XNDC1N: variants seen among roughly 807,000 people sequenced by gnomAD.
The protein encoded by XNDC1N is protein XNDC1N.
the XNDC1N span, chr11:71,903,488 G>T: frequency 1.3e-3 from 1,008 of 767,820 alleles, 8 homozygotes; most frequent in African/African-American, 0.016. Flanking sequence ...GCCTGACTCA[G>T]ATGTCTCTCT....
At chr11:71,919,853 G>A in the XNDC1N span, among the ~76,000 whole-genome samples, 7 of 144,522 alleles carry the variant, frequency 4.8e-5, no homozygotes, top group East Asian at 4.2e-4. Context: ...TCCTGACCTC[G>A]TGATCCGCCC....
At chr11:71,909,870 G>A in the XNDC1N span, among the ~76,000 whole-genome samples, 2 of 152,156 alleles carry the variant, frequency 1.3e-5, no homozygotes, top group African/African-American at 2.4e-5. Flanking sequence ...GCTCTTTGCT[G>A]GTAAAGTGAC....
At chr11:71,872,904 A>C in the XNDC1N span, among the ~76,000 whole-genome samples, 9 of 152,172 alleles carry the variant, frequency 5.9e-5, no homozygotes, top group African/African-American at 2.2e-4. Flanking sequence ...TCACATATTC[A>C]GGATAGAGGG....
the XNDC1N span, among the ~76,000 whole-genome samples, chr11:71,914,626 G>C: frequency 6.6e-6 from 1 of 151,810 alleles, no homozygotes; most frequent in Non-Finnish European, 1.5e-5. Flanking sequence ...GGCAGAGGTT[G>C]CAGTGAGCCG....
the XNDC1N span, chr11:71,884,321 TTTTAA>T: frequency 4.9e-4 from 670 of 1,371,234 alleles, no homozygotes; most frequent in Non-Finnish European, 6.2e-4. Context: ...TCTGTAATGC[TTTTAA>T]TTTATTATAA....
the XNDC1N span, among the ~76,000 whole-genome samples, chr11:71,898,346 C>T: frequency 1.3e-5 from 2 of 152,140 alleles, no homozygotes; most frequent in Admixed American, 6.5e-5. Context: ...GTGGCTCGCA[C>T]ATGTAACCCC....
chr11:71,893,886 C>T, the XNDC1N span: 6 of 949,188 alleles, frequency 6.3e-6, no homozygotes, highest in East Asian at 6.0e-5. Flanking sequence ...TGAATCCTCA[C>T]CTCTGTGTCT....
At chr11:71,920,124 A>AT in the XNDC1N span, among the ~76,000 whole-genome samples, 1 of 140,614 alleles carries the variant, frequency 7.1e-6, no homozygotes, top group South Asian at 2.3e-4. Flanking sequence ...CGCCCAGCTA[A>AT]TTTTTTTTGT....
At chr11:71,887,466 G>C in the XNDC1N span, among the ~76,000 whole-genome samples, 2 of 152,020 alleles carry the variant, frequency 1.3e-5, no homozygotes, top group African/African-American at 4.8e-5. Flanking sequence ...CCCGAGAGGA[G>C]GAAAGGAGAC....
At chr11:71,921,696 C>T in the XNDC1N span, among the ~76,000 whole-genome samples, 1 of 151,982 alleles carries the variant, frequency 6.6e-6, no homozygotes, top group South Asian at 2.1e-4. Flanking sequence ...TGTGTGCACG[C>T]GTGCATGTTT....
At chr11:71,908,250 AATT>A in the XNDC1N span, among the ~76,000 whole-genome samples, 4 of 150,248 alleles carry the variant, frequency 2.7e-5, no homozygotes, top group African/African-American at 5.0e-5. Context: ...TAATATTAAT[AATT>A]ATTAGGAGCT....
At chr11:71,910,171 C>T in the XNDC1N span, among the ~76,000 whole-genome samples, 4 of 152,204 alleles carry the variant, frequency 2.6e-5, no homozygotes, top group Non-Finnish European at 1.5e-5. Context: ...CCCCTCCTGC[C>T]TGTTCCCAAG....
chr11:71,903,561 T>C, the XNDC1N span: 3 of 680,590 alleles, frequency 4.4e-6, no homozygotes, highest in South Asian at 3.0e-5. Context: ...ACGACCAGTT[T>C]GTAGCCATCT....
the XNDC1N span, among the ~76,000 whole-genome samples, chr11:71,868,596 G>A: frequency 6.6e-6 from 1 of 152,190 alleles, no homozygotes; most frequent in Non-Finnish European, 1.5e-5. Context: ...TAAGAATGCT[G>A]AATGTAGGCC....
the XNDC1N span, among the ~76,000 whole-genome samples, chr11:71,920,594 C>T: frequency 1.3e-5 from 2 of 152,128 alleles, no homozygotes; most frequent in Admixed American, 6.5e-5. Flanking sequence ...CGTGAGCCAC[C>T]GTGCCCGGCC....
chr11:71,893,451 G>A, the XNDC1N span: 2,093 of 718,906 alleles, frequency 2.9e-3, no homozygotes, highest in South Asian at 4.0e-3. Context: ...CCTTCTCAAG[G>A]TGTCCAAGAC....
At chr11:71,897,348 C>A in the XNDC1N span, among the ~76,000 whole-genome samples, 3 of 152,256 alleles carry the variant, frequency 2.0e-5, no homozygotes, top group South Asian at 6.2e-4. Context: ...AGGCTGACAG[C>A]CATCATATAT....
the XNDC1N span, chr11:71,923,349 G>C: frequency 5.7e-6 from 4 of 702,812 alleles, no homozygotes; most frequent in African/African-American, 7.0e-5. Context: ...CTTCACAGGA[G>C]CCATGGTGGG....
chr11:71,890,362 C>T, the XNDC1N span, among the ~76,000 whole-genome samples: 6 of 152,008 alleles, frequency 3.9e-5, no homozygotes, highest in South Asian at 2.1e-4. Context: ...CTGGATATGA[C>T]GAACAATATC....
Sources: allele counts gnomAD v4.1 joint callset (sites outside exome capture counted in the v4.1 genomes callset), GRCh38; gene constraint gnomAD v4.1.1; transcripts MANE v1.5; gene names NCBI Gene and HGNC (gene_info 2026-07-23, HGNC 2026-07-21).